Variants in RGS11 observed in about 807,000 individuals in gnomAD.
RGS11 encodes the protein regulator of G protein signaling 11, also known as regulator of G-protein signaling 11.
Under a neutral mutation model 71.1 loss-of-function variants are expected in RGS11, and 86 were observed. The observed-to-expected ratio is 1.21, with a 90% CI of 1.02 to 1.45. The LOEUF (loss-of-function observed/expected upper bound fraction) is 1.45. RGS11 is among the 40% of genes most tolerant of loss of function. The probability of loss-of-function intolerance (pLI) is 0.00; values close to 1 mark genes in which losing one functional copy is unlikely to be tolerated. For synonymous variants in RGS11, 298 were observed against 254.2 expected (o/e 1.17, Z -1.64); for missense variants, 734 against 635.1 (o/e 1.16, Z -1.67).
At chr16:272,346 C>A (rs74003728) in intron 9 of RGS11, 2 of 1,289,682 alleles carry the variant, frequency 1.6e-6, no homozygotes, top group Non-Finnish European at 2.0e-6. Context: ...ATGTTAGGGT[C>A]GTGAACTTAA....
Position 269,502 on chromosome 16 carries a change from C to A in RGS11, c.1289+1G>T, listed in dbSNP as rs1302660192. 1 of 1,612,824 alleles carries A rather than the reference C, an allele frequency of 6.2e-7. No homozygotes were observed. Among genetic ancestry groups the A allele is most frequent in the Non-Finnish European group, 8.5e-7 (1 of 1,179,808 alleles). ...GGCCACAGGGCACTGCCTGGGCTCACCGTCTCTTCATCTCCAGCGGGATCC... is the reference window on the plus strand; with the variant it reads ...GGCCACAGGGCACTGCCTGGGCTCAACGTCTCTTCATCTCCAGCGGGATCC... On this transcript the variant is annotated splice_donor_variant, in intron 16 of 16. Coordinates refer to ENST00000397770, the MANE Select transcript of RGS11 (RefSeq NM_183337.3). LOFTEE classifies it high-confidence loss of function.
At chr16:271,667 C>G in intron 9 of RGS11, 98 bp from the exon 10 acceptor site, 1 of 1,199,714 alleles carries the variant, frequency 8.3e-7, no homozygotes, top group Admixed American at 1.7e-5. Context: ...GCCCCTGCCC[C>G]ATAGATCTGG....
chr16:275,182 C>A (rs2052114340), intron 3 of RGS11, 100 bp from the exon 4 acceptor site: 1 of 1,592,560 alleles, frequency 6.3e-7, no homozygotes. Flanking sequence ...CCTTGCACAG[C>A]GCGCTCAGCA....
At chr16:273,943 G>T in intron 6 of RGS11, 100 bp downstream of exon 6, 2 of 1,452,786 alleles carry the variant, frequency 1.4e-6, no homozygotes, top group Non-Finnish European at 9.6e-7. Context: ...GGCCTGGGCT[G>T]TATGTTCTGG....
chr16:268,695 C>CT lies in RGS11; in HGVS notation c.*573_*574insA. ...TGGACAAATTCTGGAACGCGTTTGG[C>CT]GAGGGAGGAATAGGCGCAGCTCCGG... is the stretch of plus-strand genomic sequence containing the variant. On this transcript the variant is annotated 3_prime_UTR_variant, in exon 17 of 17. Coordinates refer to ENST00000397770, the MANE Select transcript of RGS11 (RefSeq NM_183337.3). 6 of 1,435,524 alleles carry CT rather than the reference C, an allele frequency of 4.2e-6. No homozygotes were observed. Among genetic ancestry groups the CT allele is most frequent in the Non-Finnish European group, 4.7e-6 (5 of 1,056,486 alleles). The allele number at this position is 1,435,524 out of a possible 1,614,324, so 88.9% of individuals were successfully genotyped here. A position where few individuals can be genotyped will look rare whatever the true frequency, so the allele number is the denominator to read the frequency against.
At chr16:275,364 C>G (rs1300966924) in intron 2 of RGS11, 31 bp from the exon 3 acceptor site, 2 of 1,610,952 alleles carry the variant, frequency 1.2e-6, no homozygotes, top group African/African-American at 2.7e-5. Context: ...TGGAGGGAGG[C>G]CGAGGCGCGC....
intron 1 of RGS11, 46 bp from the exon 2 acceptor site, chr16:275,544 C>G: frequency 6.9e-7 from 1 of 1,448,440 alleles, no homozygotes. Context: ...CCCCGCAACC[C>G]TGATTCCCTG....
chr16:275,853 C>T lies in RGS11; in HGVS notation c.59G>A (p.Arg20Lys), dbSNP rs2141432951. The change falls in exon 1 of 17, where the codon AGG becomes AAG. Residue 20 changes from arginine to lysine, a missense_variant. Arg to Lys is a conservative substitution (Grantham distance 26). Coordinates refer to ENST00000397770, the MANE Select transcript of RGS11 (RefSeq NM_183337.3). ...GGACACCCACCCGCCTCGCACCTTCCTCAGATGCGGCATCTGCGCCCGGGG... is the reference window on the plus strand; with the variant it reads ...GGACACCCACCCGCCTCGCACCTTCTTCAGATGCGGCATCTGCGCCCGGGG... ...GRPRAQMPHLRKMERVVVSMQ... is the reference protein window; with the variant it reads ...GRPRAQMPHLKKMERVVVSMQ... The T allele has an allele frequency of 2.8e-6, 3 of 1,068,234 alleles. No homozygotes were observed. The highest frequency in any genetic ancestry group is 3.9e-5 in the South Asian group (1 of 25,576). 66.2% of individuals were successfully genotyped at this position (1,068,234 alleles called of 1,614,324 possible).
chr16:272,275 C>T (rs926805931), intron 9 of RGS11: 21 of 1,243,920 alleles, frequency 1.7e-5, no homozygotes, highest in Non-Finnish European at 2.2e-5. Flanking sequence ...GCGGAGGAGG[C>T]GGACGCGCTG....
chr16:274,270 C>T lies in RGS11; in HGVS notation c.319-5G>A, dbSNP rs371454242. The T allele has an allele frequency of 1.2e-4, 191 of 1,608,568 alleles. No individual in the cohort carries two copies. The highest frequency in any genetic ancestry group is 1.5e-4 in the Non-Finnish European group (175 of 1,177,800). On this transcript the variant is annotated splice_polypyrimidine_tract_variant and splice_region_variant and intron_variant, in intron 4 of 16. Transcript: ENST00000397770. ...ACTTGTCCAGAAGTACGGGGTCTGG[C>T]GTGGTGCAGGGAGAAGGTGTCCAGG...
At chr16:274,593 G>A (rs979724019) in intron 4 of RGS11, 60 of 593,428 alleles carry the variant, frequency 1.0e-4, no homozygotes, top group African/African-American at 9.0e-4. Flanking sequence ...TACAACCGAC[G>A]GCAGGTCGGC....
intron 5 of RGS11, 39 bp from the exon 6 acceptor site, chr16:274,140 G>C: frequency 1.3e-6 from 2 of 1,569,002 alleles, no homozygotes; most frequent in South Asian, 2.3e-5. Context: ...GGCCAGCTCT[G>C]CCCTGCCTCA....
In RGS11 at chr16:270,595, C is replaced by T. The variant is rs761722339; in HGVS notation, c.1134G>A (p.Leu378=). ...AGCGGTGGGGCTGGCGCAGCCCCTCCAGGGTCTGCTCCATGGTCCGGCTGT... is the reference window on the plus strand; with the variant it reads ...AGCGGTGGGGCTGGCGCAGCCCCTCTAGGGTCTGCTCCATGGTCCGGCTGT... The part of the protein sequence containing the change: ...NIDSRTMEQT[L]EGLRQPHRYV... The change falls in exon 15 of 17, where the codon CTG becomes CTA. Residue 378 remains leucine (L), a synonymous_variant. Coordinates refer to ENST00000397770, the MANE Select transcript of RGS11 (RefSeq NM_183337.3). The T allele has an allele frequency of 9.3e-6, 15 of 1,608,444 alleles. No homozygotes were observed. The highest frequency in any genetic ancestry group is 1.3e-5 in the Non-Finnish European group (15 of 1,178,116).
At position 275,253 on chromosome 16, in the gene RGS11, CCAGGGCCCAGTGGGAGG is replaced by C; in HGVS notation, c.211+13_211+29del. ...GGCCTAGGCCACCAGCCCAGTGACCCCAGGGCCCAGTGGGAGGCAGGGCGCTCACCCTCCTCCGAGAC... is the reference window on the plus strand; with the variant it reads ...GGCCTAGGCCACCAGCCCAGTGACCCCAGGGCGCTCACCCTCCTCCGAGAC... On this transcript the variant is annotated intron_variant, in intron 3 of 16. Transcript: ENST00000397770. 1 of 1,612,010 alleles carries C rather than the reference CCAGGGCCCAGTGGGAGG, an allele frequency of 6.2e-7. No homozygotes were observed. The highest frequency in any genetic ancestry group is 8.5e-7 in the Non-Finnish European group (1 of 1,179,452).
chr16:273,871 G>A (rs1308767051), intron 6 of RGS11, 35 bp from the exon 7 acceptor site: 4 of 1,593,134 alleles, frequency 2.5e-6, no homozygotes, highest in Non-Finnish European at 3.4e-6. Context: ...GGTCACCCCG[G>A]CCCCTGCCCC....
At chr16:272,027 G>C in intron 9 of RGS11, 1 of 374,898 alleles carries the variant, frequency 2.7e-6, no homozygotes, top group Non-Finnish European at 4.2e-6. Flanking sequence ...ATAGAGACGG[G>C]GTTTCTCCAT....
intron 5 of RGS11, 37 bp downstream of exon 5, chr16:274,177 T>C (rs753317264): frequency 6.3e-7 from 1 of 1,598,564 alleles, no homozygotes; most frequent in Admixed American, 1.7e-5. Flanking sequence ...CCCCCAGTCC[T>C]GGGAACTTGT....
intron 4 of RGS11, 62 bp from the exon 5 acceptor site, chr16:274,327 C>T: frequency 1.3e-6 from 2 of 1,541,868 alleles, no homozygotes; most frequent in East Asian, 2.4e-5. Flanking sequence ...CAGTGTCACC[C>T]CACCCTCAGA....
rs558955745 is a variant in RGS11 at position 273,158 on chromosome 16, C to G, written c.589-227G>C. On this transcript the variant is annotated intron_variant, in intron 8 of 16. Coordinates refer to ENST00000397770, the MANE Select transcript of RGS11 (RefSeq NM_183337.3). The stretch of plus-strand genomic sequence containing the variant: ...TGCTCCCGGCCTGTGAACTCGGTCC[C>G]CCCACTGCAGCCAAGGCCGCCCCCA... Among the ~76,000 whole-genome samples the G allele has an allele frequency of 2.0e-3, 299 of 152,258 alleles. 1 individual carries two copies. The highest frequency in any genetic ancestry group is 7.1e-3 in the African/African-American group (293 of 41,546).
Sources: allele counts gnomAD v4.1 joint callset (sites outside exome capture counted in the v4.1 genomes callset), GRCh38; gene constraint gnomAD v4.1.1; transcripts MANE v1.5; gene names NCBI Gene and HGNC (gene_info 2026-07-23, HGNC 2026-07-21).